Variants in MALRD1 observed in about 807,000 individuals in gnomAD.
MALRD1 encodes the protein MAM and LDL receptor class A domain containing 1, also known as MAM and LDL-receptor class A domain-containing protein 1.
MALRD1 carries 247 observed loss-of-function variants against 242.1 expected under a neutral mutation model. That is an observed-to-expected ratio of 1.02 (90% CI 0.92 to 1.13). The LOEUF is 1.13. Ranked by LOEUF, MALRD1 falls within the 50% of genes most tolerant of loss-of-function variation. The pLI is 0.00. For synonymous variants in MALRD1, 995 were observed against 866.6 expected, an observed-to-expected ratio of 1.15 and a Z score of -2.60; for missense variants, 2,989 against 2,533.1, an observed-to-expected ratio of 1.18 and a Z score of -3.86.
At chr10:19,627,264 A>G (rs113193717) in intron 36 of MALRD1, among the ~76,000 whole-genome samples, 13 of 152,286 alleles carry the variant, frequency 8.5e-5, no homozygotes, top group African/African-American at 2.9e-4. Context: ...GCATACAAGA[A>G]TAGTTTAAAA....
At chr10:19,209,761 A>G in intron 18 of MALRD1, 81 bp downstream of exon 18, 8 of 1,329,852 alleles carry the variant, frequency 6.0e-6, no homozygotes, top group Non-Finnish European at 8.1e-6. Flanking sequence ...GTATTCTCTA[A>G]TTAAAAGCAA....
At chr10:19,200,303 T>C (rs548334475) in intron 14 of MALRD1, among the ~76,000 whole-genome samples, 7 of 152,368 alleles carry the variant, frequency 4.6e-5, no homozygotes, top group African/African-American at 1.7e-4. Flanking sequence ...TTAAAATTAC[T>C]ACTCACATGC....
At chr10:19,457,872 A>T (rs748986167) in intron 29 of MALRD1, among the ~76,000 whole-genome samples, 2 of 151,792 alleles carry the variant, frequency 1.3e-5, no homozygotes, top group Non-Finnish European at 2.9e-5. Context: ...ATGTTTTAAA[A>T]TTTTTTAATA....
At chr10:19,200,627 T>TC (rs1040131961) in intron 14 of MALRD1, among the ~76,000 whole-genome samples, 2 of 149,072 alleles carry the variant, frequency 1.3e-5, no homozygotes, top group Non-Finnish European at 3.0e-5. Flanking sequence ...GCTTTTTTTT[T>TC]CTCCCTCCCT....
chr10:19,353,960 A>G (rs1390015262), intron 26 of MALRD1, among the ~76,000 whole-genome samples: 1 of 151,910 alleles, frequency 6.6e-6, no homozygotes, highest in African/African-American at 2.4e-5. Flanking sequence ...TCTTGAGCTC[A>G]AAGCAATCCA....
intron 17 of MALRD1, among the ~76,000 whole-genome samples, chr10:19,207,386 C>G (rs148895967): frequency 0.012 from 1,854 of 152,278 alleles, 21 homozygotes; most frequent in Middle Eastern, 0.034. Context: ...TAGGCTTCCC[C>G]CTTACCTGGG....
At chr10:19,648,788 A>T (rs35956668) in intron 36 of MALRD1, among the ~76,000 whole-genome samples, 5,598 of 152,272 alleles carry the variant, frequency 0.037, 141 homozygotes, top group Middle Eastern at 0.065. Flanking sequence ...AAAGTTTGTT[A>T]TATAGGTAAA....
At chr10:19,165,848 C>T in intron 13 of MALRD1, 38 bp downstream of exon 13, 1 of 1,221,260 alleles carries the variant, frequency 8.2e-7, no homozygotes. Flanking sequence ...CAACAGAAGA[C>T]ACTTATTTAA....
At chr10:19,613,492 C>T (rs1838994618) in intron 35 of MALRD1, among the ~76,000 whole-genome samples, 1 of 152,016 alleles carries the variant, frequency 6.6e-6, no homozygotes, top group African/African-American at 2.4e-5. Context: ...ATGTTTCAAT[C>T]CTAATATTTA....
rs1365497028 is a variant in MALRD1 at position 19,567,493 on chromosome 10, T to G, written c.5479-9T>G. Reference sequence around the variant, plus strand: ...ATCATAAAAAGTTATTTTTTAATGATTTTTAAAGGTGTATACCATTGAAGA... The same window carrying G: ...ATCATAAAAAGTTATTTTTTAATGAGTTTTAAAGGTGTATACCATTGAAGA... On this transcript the variant is annotated splice_polypyrimidine_tract_variant and intron_variant, in intron 32 of 39. Transcript: ENST00000454679. 1 of 1,548,416 alleles carries G rather than the reference T, an allele frequency of 6.5e-7. No homozygotes were observed. Among genetic ancestry groups the G allele is most frequent in the Non-Finnish European group, 8.7e-7 (1 of 1,146,098 alleles).
At chr10:19,455,661 T>C (rs1182219856) in intron 29 of MALRD1, among the ~76,000 whole-genome samples, 1 of 152,224 alleles carries the variant, frequency 6.6e-6, no homozygotes, top group African/African-American at 2.4e-5. Flanking sequence ...TAAATATAAA[T>C]GAACTACACT....
chr10:19,547,962 C>A (rs1835313750), intron 32 of MALRD1, among the ~76,000 whole-genome samples: 1 of 141,130 alleles, frequency 7.1e-6, no homozygotes, highest in Non-Finnish European at 1.5e-5. Context: ...ATAATTCTCC[C>A]AGCATTTCAA....
At chr10:19,441,571 T>C (rs1427238474) in intron 28 of MALRD1, among the ~76,000 whole-genome samples, 2 of 152,204 alleles carry the variant, frequency 1.3e-5, no homozygotes, top group African/African-American at 2.4e-5. Context: ...CTAGCCAGTT[T>C]CCCCAGCACC....
intron 33 of MALRD1, among the ~76,000 whole-genome samples, chr10:19,583,871 G>T (rs1426100435): frequency 6.6e-6 from 1 of 152,040 alleles, no homozygotes; most frequent in African/African-American, 2.4e-5. Flanking sequence ...TTTTTGGTTG[G>T]TAAGCTATTG....
chr10:19,165,445 C>G (rs113318876), intron 12 of MALRD1, among the ~76,000 whole-genome samples, 192 bp from the exon 13 acceptor site: 2 of 151,312 alleles, frequency 1.3e-5, no homozygotes, highest in Non-Finnish European at 2.9e-5. Flanking sequence ...TGGGATTACA[C>G]GCATGCACCA....
At chr10:19,621,200 CATG>C (rs1839384203) in intron 36 of MALRD1, among the ~76,000 whole-genome samples, 1 of 151,074 alleles carries the variant, frequency 6.6e-6, no homozygotes, top group Non-Finnish European at 1.5e-5. Context: ...AACAAAGAAA[CATG>C]GTGTAAAAAA....
chr10:19,053,092 C>T (rs1372387654), intron 1 of MALRD1, among the ~76,000 whole-genome samples: 1 of 152,166 alleles, frequency 6.6e-6, no homozygotes, highest in African/African-American at 2.4e-5. Context: ...CCACCCTCTG[C>T]TCTCATCAGC....
rs975187429 is a variant in MALRD1 at position 19,363,656 on chromosome 10, G to A, written c.4441+11359G>A. Among the ~76,000 whole-genome samples the A allele has an allele frequency of 3.9e-5, 6 of 152,262 alleles. No individual in the cohort carries two copies. The South Asian group carries it at 1.2e-3, about 32-fold the overall frequency. Reference sequence around the variant, plus strand: ...GCCAGAGTTGACCAGGAGATTGAGAGAAGGCAATAAATAAGAAGCAACTGG... The same window carrying A: ...GCCAGAGTTGACCAGGAGATTGAGAAAAGGCAATAAATAAGAAGCAACTGG... On this transcript the variant is annotated intron_variant, in intron 26 of 39. Coordinates refer to ENST00000454679, the MANE Select transcript of MALRD1 (RefSeq NM_001142308.3).
intron 19 of MALRD1, among the ~76,000 whole-genome samples, chr10:19,276,327 G>T (rs963705274): frequency 6.6e-6 from 1 of 151,716 alleles, no homozygotes; most frequent in Non-Finnish European, 1.5e-5. Context: ...GTAAAATTAT[G>T]TAAGTAAATT....
Sources: gnomAD v4.1 joint callset for allele counts (sites outside exome capture counted in the v4.1 genomes callset) on GRCh38, gnomAD v4.1.1 for gene constraint, MANE v1.5 for transcripts, NCBI Gene and HGNC (gene_info 2026-07-23, HGNC 2026-07-21) for gene names.